The following LSP1 variants were observed in gnomAD, a reference collection of about 807,000 sequenced individuals.
LSP1 encodes the protein lymphocyte-specific protein 1.
In LSP1, 32 loss-of-function variants were observed where a neutral mutation model predicts 49.3. The ratio of observed to expected loss-of-function variants is 0.65; its 90% CI spans 0.49 to 0.87. LSP1 has a LOEUF of 0.87. Ranked by LOEUF, LSP1 falls within the 40% of genes least tolerant of loss-of-function variation. The pLI is 0.00. For missense variants in LSP1, 428 were observed against 442.6 expected, an observed-to-expected ratio of 0.97 and a Z score of 0.30; for synonymous variants, 179 against 178.8, an observed-to-expected ratio of 1.00 and a Z score of -0.01.
Position 1,881,469 on chromosome 11 carries a change from G to A in LSP1, c.229G>A (p.Glu77Lys). The change falls in exon 3 of 11, where the codon GAG becomes AAG. Residue 77 changes from glutamate (E) to lysine (K), a missense_variant. Coordinates refer to ENST00000311604, the MANE Select transcript of LSP1 (RefSeq NM_002339.3). Reference sequence around the variant, plus strand: ...GCCCTCGGAGGCCCCTGAACTGGATGAGGACGAGGGCTTTGGCGACTGGTC... The same window carrying A: ...GCCCTCGGAGGCCCCTGAACTGGATAAGGACGAGGGCTTTGGCGACTGGTC... ...LKPSEAPELD[E>K]DEGFGDWSQR... is the part of the protein sequence containing the mutation. 6.3e-7 allele frequency: 1 copy of A among 1,581,144 alleles called. No homozygotes were observed. The highest frequency in any genetic ancestry group is 8.6e-7 in the Non-Finnish European group (1 of 1,162,998).
At chr11:1,879,644 C>A (rs372377207) in intron 1 of LSP1, among the ~76,000 whole-genome samples, 1 of 152,192 alleles carries the variant, frequency 6.6e-6, no homozygotes, top group African/African-American at 2.4e-5. Context: ...TGCCGCCTGG[C>A]GGTGGGCTGC....
intron 1 of LSP1, among the ~76,000 whole-genome samples, chr11:1,865,546 G>A (rs955412551): frequency 4.1e-5 from 6 of 147,154 alleles, no homozygotes; most frequent in African/African-American, 1.3e-4. Flanking sequence ...CGTCCCACCC[G>A]CACCGCCGGC....
intron 1 of LSP1, chr11:1,870,957 G>A (rs1009870718): frequency 7.1e-6 from 7 of 985,784 alleles, no homozygotes; most frequent in East Asian, 1.1e-4. Context: ...AGGCGCAGCC[G>A]GGCTGTCGGT....
Position 1,880,082 on chromosome 11 carries a change from A to T in LSP1, c.54-5A>T. The T allele has an allele frequency of 6.2e-7, 1 of 1,608,054 alleles. No individual in the cohort carries two copies. Among genetic ancestry groups the T allele is most frequent in the Non-Finnish European group, 8.5e-7 (1 of 1,177,142 alleles). ...GCGTGACTGTCCCTCTGTGTCCCCC[A>T]CTAGGCCCACTGCTCAGTGGAGCGT... On this transcript the variant is annotated splice_region_variant and splice_polypyrimidine_tract_variant and intron_variant, in intron 1 of 10. Coordinates refer to ENST00000311604, the MANE Select transcript of LSP1 (RefSeq NM_002339.3).
chr11:1,871,033 T>C (rs776602053), intron 1 of LSP1: 16 of 985,356 alleles, frequency 1.6e-5, no homozygotes, highest in Non-Finnish European at 1.9e-5. Flanking sequence ...TGGGGCTGCA[T>C]GTAGACGCAT....
chr11:1,870,023 C>T (rs560654761), intron 1 of LSP1: 30 of 397,560 alleles, frequency 7.5e-5, no homozygotes, highest in Admixed American at 3.4e-4. Flanking sequence ...GGTGCACCTC[C>T]GAGCCTCCGT....
rs138562835 is a variant in LSP1 at position 1,890,343 on chromosome 11, G to A, written c.*14-1430G>A. Reference sequence around the variant, plus strand: ...GGGGTGCGGGCCCTCAGCAGCGTGCGGGGCTGTGACCTCCTGGTCATGGCT... The same window carrying A: ...GGGGTGCGGGCCCTCAGCAGCGTGCAGGGCTGTGACCTCCTGGTCATGGCT... On this transcript the variant is annotated intron_variant, in intron 10 of 10. Coordinates refer to ENST00000311604, the MANE Select transcript of LSP1 (RefSeq NM_002339.3). 6.2e-3 allele frequency: 4,401 copies of A among 715,408 alleles called. 17 individuals carry two copies. The highest frequency in any genetic ancestry group is 9.2e-3 in the Non-Finnish European group (3,526 of 384,546). The allele number at this position is 715,408 out of a possible 1,614,324, so 44.3% of individuals were successfully genotyped here. A position where few individuals can be genotyped will look rare whatever the true frequency, so the allele number is the denominator to read the frequency against.
In LSP1 at chr11:1,886,768, T is replaced by A. The variant is rs1848769675; in HGVS notation, c.754T>A (p.Ser252Thr). ...GACCCCCAAGCTAGCCCGCCAGGCC[T>A]CCATAGAGCTGCCCAGCATGGCTGT... is the stretch of plus-strand genomic sequence containing the variant. ...GRTPKLARQA[S>T]IELPSMAVAS... Residue 252 changes from serine to threonine, a missense_variant, in exon 8 of 11, where the codon TCC (serine) becomes ACC (threonine). Coordinates refer to ENST00000311604, the MANE Select transcript of LSP1 (RefSeq NM_002339.3). The A allele has an allele frequency of 1.9e-6, 3 of 1,611,340 alleles. No individual in the cohort carries two copies. In the African/African-American group the frequency reaches 4.0e-5, roughly 22 times the overall value.
At chr11:1,889,667 G>A (rs1565091196) in intron 10 of LSP1, 5 of 632,032 alleles carry the variant, frequency 7.9e-6, no homozygotes, top group South Asian at 1.9e-5. Context: ...ACACTCGCTC[G>A]GCCTCAGCGG....
intron 1 of LSP1, among the ~76,000 whole-genome samples, chr11:1,877,372 C>T (rs4047082): frequency 3.9e-5 from 6 of 152,272 alleles, no homozygotes; most frequent in Admixed American, 6.5e-5. Flanking sequence ...AGGGGCTGGC[C>T]GGGCTTCTCC....
At position 1,880,328 on chromosome 11, in the gene LSP1, C is replaced by T. The variant is rs1030946437; in HGVS notation, c.191+104C>T. 11 of 1,346,932 alleles carry T rather than the reference C, an allele frequency of 8.2e-6. 1 individual carries two copies. The South Asian group carries it at 1.2e-4, about 14-fold the overall frequency. The allele number at this position is 1,346,932 out of a possible 1,614,324, so 83.4% of individuals were successfully genotyped here. On this transcript the variant is annotated intron_variant, in intron 2 of 10. Coordinates refer to ENST00000311604, the MANE Select transcript of LSP1 (RefSeq NM_002339.3). ...GGGCCTGGGCTTGGGGGTTCCAGTG[C>T]AGGATGAGAGCGAGGAAGGGCCCCC...
rs1848636419 is a variant in LSP1 at position 1,883,543 on chromosome 11, G to A, written c.481G>A (p.Glu161Lys). Residue 161 changes from glutamate (E) to lysine (K), a missense_variant, in exon 4 of 11, where the codon GAG becomes AAG. Glu to Lys is a moderately conservative substitution (Grantham distance 56). Transcript: ENST00000311604. ...GGACAACCTGGGGGCCGCAGGGGCT[G>A]AGGAGGAACAGGAGGAGGTGATGGC... ...VQDNLGAAGA[E>K]EEQEEHQKCQ... The A allele has an allele frequency of 6.2e-7, 1 of 1,612,354 alleles. No individual in the cohort carries two copies. Among genetic ancestry groups the A allele is most frequent in the East Asian group, 2.2e-5 (1 of 44,866 alleles).
rs542123525 is a variant in LSP1, at chr11:1,876,548, G to A, written c.54-3539G>A. 1.9e-4 allele frequency: 188 copies of A among 985,582 alleles called. No individual in the cohort carries two copies. The African/African-American group carries it at 2.0e-3, about 11-fold the overall frequency. 61.1% of individuals were successfully genotyped at this position (985,582 alleles called of 1,614,324 possible). On this transcript the variant is annotated intron_variant, in intron 1 of 10. Coordinates refer to ENST00000311604, the MANE Select transcript of LSP1 (RefSeq NM_002339.3). ...GCCGCCCTCTGGGCTCAGGACAGCC[G>A]GGTGGGGCAGCCACAGGAGCTGCCT...
At chr11:1,865,309 C>A in intron 1 of LSP1, 1 of 917,190 alleles carries the variant, frequency 1.1e-6, no homozygotes, top group Non-Finnish European at 1.3e-6. Flanking sequence ...GGGCAGGGTG[C>A]CCATGCTGGG....
chr11:1,862,746 A>G (rs1290044302), intron 1 of LSP1, among the ~76,000 whole-genome samples: 2 of 146,884 alleles, frequency 1.4e-5, no homozygotes, highest in Non-Finnish European at 3.0e-5. Context: ...GGGTGACCTT[A>G]CCTCCCCTAG....
chr11:1,890,408 G>C lies in LSP1; in HGVS notation c.*14-1365G>C, dbSNP rs761714185. On this transcript the variant is annotated intron_variant, in intron 10 of 10. Transcript: ENST00000311604. ...GGGACAGGGAGGTGCGGAAGGCCCT[G>C]GGTGGAGCGAGGTGTGTGCCTCCCA... The C allele has an allele frequency of 3.2e-5, 23 of 717,088 alleles. No individual in the cohort carries two copies. The Middle Eastern group carries it at 1.8e-3, about 57-fold the overall frequency. 44.4% of individuals were successfully genotyped at this position (717,088 alleles called of 1,614,324 possible).
At chr11:1,883,873 G>A (rs1308553716) in intron 4 of LSP1, 59 bp from the exon 5 acceptor site, 2 of 1,459,808 alleles carry the variant, frequency 1.4e-6, no homozygotes, top group Non-Finnish European at 9.3e-7. Flanking sequence ...CAGGTGCTGG[G>A]CAGGGCAGGA....
At chr11:1,888,906 C>A in intron 10 of LSP1, 1 of 462,162 alleles carries the variant, frequency 2.2e-6, no homozygotes. Context: ...CTCTGTTCCC[C>A]TCACACCACT....
At chr11:1,871,679 G>A (rs1848014862) in intron 1 of LSP1, among the ~76,000 whole-genome samples, 1 of 152,244 alleles carries the variant, frequency 6.6e-6, no homozygotes, top group Non-Finnish European at 1.5e-5. Flanking sequence ...CACCCCTCCT[G>A]TTGGGTGTCT....
Sources: allele counts gnomAD v4.1 joint callset (sites outside exome capture counted in the v4.1 genomes callset), GRCh38; gene constraint gnomAD v4.1.1; transcripts MANE v1.5; gene names NCBI Gene and HGNC (gene_info 2026-07-23, HGNC 2026-07-21).